FIP1L1: variants seen among roughly 807,000 people sequenced by gnomAD.
The protein encoded by FIP1L1 is factor interacting with PAPOLA and CPSF1.
In FIP1L1, 21 loss-of-function variants were observed where a neutral mutation model predicts 84.6. The ratio of observed to expected loss-of-function variants is 0.25; its 90% CI spans 0.18 to 0.36. The LOEUF (loss-of-function observed/expected upper bound fraction) is 0.36, where lower values mean the gene tolerates loss of function less well. Among genes scored for constraint, FIP1L1 ranks in the 10% least tolerant of loss-of-function variants. FIP1L1 has a pLI of 1.00. For synonymous variants in FIP1L1, 263 were observed against 242.3 expected, an observed-to-expected ratio of 1.09 and a Z score of -0.80; for missense variants, 526 against 751.1, an observed-to-expected ratio of 0.70 and a Z score of 3.50.
In FIP1L1 at chr4:53,420,614, A is replaced by T. The variant is rs114564978; in HGVS notation, c.924-5258A>T. 6.4e-3 allele frequency among the ~76,000 whole-genome samples: 968 copies of T among 152,202 alleles called. 12 individuals carry two copies. The highest frequency in any genetic ancestry group is 0.022 in the African/African-American group (934 of 41,514). On this transcript the variant is annotated intron_variant, in intron 11 of 17. Transcript: ENST00000337488. The stretch of plus-strand genomic sequence containing the variant: ...GTTCTTTTTCTGGGCGGGATTTTTC[A>T]TTAATAAATTGTTACTCGAACATTA...
chr4:53,446,646 A>T (rs1774307976), intron 15 of FIP1L1, among the ~76,000 whole-genome samples: 1 of 151,992 alleles, frequency 6.6e-6, no homozygotes, highest in African/African-American at 2.4e-5. Context: ...GGTGAACATG[A>T]CTTATTAAAG....
At chr4:53,456,761 G>T (rs948040994) in intron 16 of FIP1L1, among the ~76,000 whole-genome samples, 5 of 152,100 alleles carry the variant, frequency 3.3e-5, no homozygotes, top group African/African-American at 1.2e-4. Context: ...GGGGATGGAA[G>T]GAGGAGGGTC....
At position 53,459,533 on chromosome 4, in the gene FIP1L1, T is replaced by A. The variant is rs1721365511; in HGVS notation, c.*84T>A. ...ATTTTTCTGGATAATGTTTAAGAAA[T>A]TTACCTTAAATCTTGTTCTGTTTGT... is the stretch of plus-strand genomic sequence containing the variant. On this transcript the variant is annotated 3_prime_UTR_variant, in exon 18 of 18. Coordinates refer to ENST00000337488, the MANE Select transcript of FIP1L1 (RefSeq NM_030917.4). 1 of 1,571,776 alleles carries A rather than the reference T, an allele frequency of 6.4e-7. No individual in the cohort carries two copies. The highest frequency in any genetic ancestry group is 1.4e-5 in the African/African-American group (1 of 73,758).
intron 11 of FIP1L1, among the ~76,000 whole-genome samples, chr4:53,417,509 G>A (rs1376078708): frequency 1.3e-5 from 2 of 151,584 alleles, no homozygotes; most frequent in Non-Finnish European, 2.9e-5. Context: ...GGGCCTGGTG[G>A]TGCATGCCTG....
At chr4:53,407,744 T>G (rs1340116957) in intron 10 of FIP1L1, among the ~76,000 whole-genome samples, 2 of 152,238 alleles carry the variant, frequency 1.3e-5, no homozygotes, top group Non-Finnish European at 2.9e-5. Flanking sequence ...TTTAGCATTA[T>G]GTAATGGCCT....
intron 16 of FIP1L1, among the ~76,000 whole-genome samples, chr4:53,455,069 G>T (rs990595166): frequency 6.6e-6 from 1 of 152,096 alleles, no homozygotes; most frequent in Non-Finnish European, 1.5e-5. Flanking sequence ...TTCTTCTGCA[G>T]CTCCCTCACC....
At chr4:53,418,563 A>G (rs564078078) in intron 11 of FIP1L1, among the ~76,000 whole-genome samples, 1 of 152,218 alleles carries the variant, frequency 6.6e-6, no homozygotes, top group African/African-American at 2.4e-5. Flanking sequence ...TGAGTGCAGG[A>G]AATTGAAACT....
intron 17 of FIP1L1, 120 bp from the exon 18 acceptor site, chr4:53,459,182 A>C: frequency 1.4e-6 from 1 of 705,238 alleles, no homozygotes; most frequent in African/African-American, 1.8e-5. Flanking sequence ...TTTATGAGAA[A>C]ATGCATTAGA....
chr4:53,408,814 C>T lies in FIP1L1; in HGVS notation c.816-5801C>T, dbSNP rs535047299. 2.6e-4 allele frequency among the ~76,000 whole-genome samples: 39 copies of T among 152,302 alleles called. No individual in the cohort carries two copies. In the South Asian group the frequency reaches 7.9e-3, roughly 31 times the overall value. On this transcript the variant is annotated intron_variant, in intron 10 of 17. Coordinates refer to ENST00000337488, the MANE Select transcript of FIP1L1 (RefSeq NM_030917.4). ...GCTCCTGAGGCTTCTGCATTCTTCA[C>T]GTAGTTCTCAAGCCTTGGTTTTCAG...
At chr4:53,379,792 A>G (rs1054094070) in intron 3 of FIP1L1, among the ~76,000 whole-genome samples, 5 of 152,192 alleles carry the variant, frequency 3.3e-5, no homozygotes, top group African/African-American at 1.2e-4. Flanking sequence ...CATTTATAGA[A>G]CATATACAGG....
chr4:53,457,505 A>G (rs1176024418), intron 16 of FIP1L1, among the ~76,000 whole-genome samples: 1 of 152,172 alleles, frequency 6.6e-6, no homozygotes, highest in Non-Finnish European at 1.5e-5. Flanking sequence ...TCAGCAGTAC[A>G]ATTGGGCATT....
intron 5 of FIP1L1, among the ~76,000 whole-genome samples, chr4:53,386,884 C>A (rs1249548734): frequency 2.6e-5 from 4 of 152,078 alleles, no homozygotes; most frequent in African/African-American, 9.7e-5. Flanking sequence ...GTTTCTGTCT[C>A]CAGTGATAAG....
intron 11 of FIP1L1, among the ~76,000 whole-genome samples, chr4:53,422,613 T>A (rs763361524): frequency 1.3e-5 from 2 of 152,042 alleles, no homozygotes; most frequent in Non-Finnish European, 2.9e-5. Flanking sequence ...TTAGAGCAAA[T>A]GCTTTGTTTT....
rs114160732 is a variant in FIP1L1 at position 53,446,443 on chromosome 4, C to T, written c.1285+2340C>T. ...ATCTCCAACAAGCTCCAAGTTCCTTCCCTTTTCTGCACTCTGAGGCAGTGT... is the reference window on the plus strand; with the variant it reads ...ATCTCCAACAAGCTCCAAGTTCCTTTCCTTTTCTGCACTCTGAGGCAGTGT... On this transcript the variant is annotated intron_variant, in intron 15 of 17. Transcript: ENST00000337488. Among the ~76,000 whole-genome samples the T allele has an allele frequency of 1.4e-3, 208 of 152,264 alleles. 1 individual carries two copies. Among genetic ancestry groups the T allele is most frequent in the African/African-American group, 4.7e-3 (194 of 41,546 alleles).
At chr4:53,407,714 C>T (rs552160186) in intron 10 of FIP1L1, among the ~76,000 whole-genome samples, 7 of 152,244 alleles carry the variant, frequency 4.6e-5, no homozygotes, top group African/African-American at 1.4e-4. Context: ...ATAGTTAGCT[C>T]TTCTTGTTGA....
chr4:53,440,603 C>A, intron 13 of FIP1L1: 1 of 1,526,372 alleles, frequency 6.6e-7, no homozygotes, highest in Non-Finnish European at 9.0e-7. Context: ...ACTGTACCAC[C>A]TCCAGGTAAA....
intron 15 of FIP1L1, among the ~76,000 whole-genome samples, chr4:53,451,885 C>CT (rs139817657): frequency 4.3e-4 from 60 of 140,938 alleles, no homozygotes; most frequent in East Asian, 1.7e-3. Context: ...ATAGACATTC[C>CT]TTTTTTTTTT....
intron 13 of FIP1L1, among the ~76,000 whole-genome samples, chr4:53,441,982 T>C (rs1772140198): frequency 1.3e-5 from 2 of 151,844 alleles, no homozygotes; most frequent in Admixed American, 1.3e-4. Flanking sequence ...GTAGATTAAC[T>C]GTTTTTTAGC....
intron 12 of FIP1L1, among the ~76,000 whole-genome samples, chr4:53,426,877 T>G (rs1322061092): frequency 6.6e-6 from 1 of 152,204 alleles, no homozygotes; most frequent in African/African-American, 2.4e-5. Flanking sequence ...AGTTGGATAA[T>G]TAATGTTAGA....
Sources: allele counts gnomAD v4.1 joint callset (sites outside exome capture counted in the v4.1 genomes callset), GRCh38; gene constraint gnomAD v4.1.1; transcripts MANE v1.5; gene names NCBI Gene and HGNC (gene_info 2026-07-23, HGNC 2026-07-21).